Variants in SEPTIN3 observed in about 807,000 individuals in gnomAD.
SEPTIN3 encodes septin 3.
SEPTIN3 carries 15 observed loss-of-function variants against 45.1 expected under a neutral mutation model. The ratio of observed to expected loss-of-function variants is 0.33; its 90% CI spans 0.22 to 0.51. The LOEUF (loss-of-function observed/expected upper bound fraction) is 0.51. Ranked by LOEUF, SEPTIN3 falls within the 20% of genes least tolerant of loss-of-function variation. SEPTIN3 has a pLI of 0.97. For missense variants in SEPTIN3, 289 were observed against 457.2 expected, an observed-to-expected ratio of 0.63 and a Z score of 3.35; for synonymous variants, 148 against 164.8, an observed-to-expected ratio of 0.90 and a Z score of 0.78.
intron 7 of SEPTIN3, among the ~76,000 whole-genome samples, chr22:41,990,190 A>G (rs775140539): frequency 1.6e-4 from 24 of 151,706 alleles, no homozygotes; most frequent in South Asian, 1.0e-3. Flanking sequence ...ACAGGCACCC[A>G]CCACCACGCC....
intron 2 of SEPTIN3, among the ~76,000 whole-genome samples, chr22:41,977,256 A>G (rs2078043460): frequency 1.3e-5 from 2 of 151,958 alleles, no homozygotes; most frequent in African/African-American, 4.8e-5. Flanking sequence ...GGAGAGAGGC[A>G]GACATAGGAC....
chr22:41,977,164 C>G, intron 2 of SEPTIN3: 1 of 1,372,048 alleles, frequency 7.3e-7, no homozygotes, highest in Non-Finnish European at 9.8e-7. Flanking sequence ...GGGAGGGTTT[C>G]CGCGCCGAGG....
At chr22:41,973,258 A>T (rs1345387062) in intron 2 of SEPTIN3, among the ~76,000 whole-genome samples, 1 of 152,156 alleles carries the variant, frequency 6.6e-6, no homozygotes, top group Non-Finnish European at 1.5e-5. Flanking sequence ...GTGGTGGCTC[A>T]TACCTGTAAT....
chr22:41,972,424 C>A lies in SEPTIN3; in HGVS notation c.932C>A (p.Ser311Tyr), dbSNP rs2077969562. 2.5e-6 allele frequency: 1 copy of A among 398,810 alleles called. No homozygotes were observed. Among genetic ancestry groups the A allele is most frequent in the Admixed American group, 4.4e-5 (1 of 22,712 alleles). The allele number at this position is 398,810 out of a possible 1,614,324, so 24.7% of individuals were successfully genotyped here. A position where few individuals can be genotyped will look rare whatever the true frequency, so the allele number is the denominator to read the frequency against. The change falls in exon 2 of 12, where the codon TCT becomes TAT. Residue 311 changes from serine to tyrosine, a missense_variant. By Grantham distance (144) the Ser-to-Tyr change is moderately radical. This residue lies in a region of SEPTIN3 where 200 missense variants were observed against 315.1 expected (regional missense o/e 0.63). Coordinates refer to ENST00000644076, the MANE Select transcript of SEPTIN3 (RefSeq NM_001363845.2). ...AAGCTGGGCACAGCCAGAGACTTGT[C>A]TTCGGTAGGGACAGTCAAGTCAGGC... ...DIKLGTARDL[S>Y]SVGTVKSGKT... is the part of the protein sequence containing the mutation.
chr22:41,986,088 G>C lies in SEPTIN3; in HGVS notation c.1801G>C (p.Val601Leu), dbSNP rs763647661. 1.2e-6 allele frequency: 2 copies of C among 1,613,600 alleles called. No individual in the cohort carries two copies. Among genetic ancestry groups the C allele is most frequent in the Non-Finnish European group, 1.7e-6 (2 of 1,179,768 alleles). The change falls in exon 4 of 12, where the codon GTG becomes CTG. Residue 601 changes from valine (V) to leucine (L), a missense_variant. This residue lies in a region of SEPTIN3 where 200 missense variants were observed against 315.1 expected (regional missense o/e 0.63). Coordinates refer to ENST00000644076, the MANE Select transcript of SEPTIN3 (RefSeq NM_001363845.2). ...WNREEKIPKT[V>L]EIKAIGHVIE... ...CCGGGAGGAGAAGATCCCCAAGACAGTGGAGATCAAAGCTATCGGGCATGG... is the reference window on the plus strand; with the variant it reads ...CCGGGAGGAGAAGATCCCCAAGACACTGGAGATCAAAGCTATCGGGCATGG...
rs1239650649 is a variant in SEPTIN3, at chr22:41,972,480, A to G, written c.988A>G (p.Ile330Val). ...CGTGAACTTGGCTACAGCAGGCACA[A>G]TCAAGCCGGGCACAGCCATGAATCT... ...KTVNLATAGT[I>V]KPGTAMNLTT... Residue 330 changes from isoleucine (I) to valine (V), a missense_variant, in exon 2 of 12, where the codon ATC (isoleucine) becomes GTC (valine). Physicochemically the swap from Ile to Val is conservative, Grantham distance 29 (BLOSUM62 3). Around this residue, in one of 3 missense-constraint regions of SEPTIN3, gnomAD observed 200 missense variants for 315.1 expected, o/e 0.63. Transcript: ENST00000644076. 1.0e-5 allele frequency: 4 copies of G among 398,992 alleles called. No individual in the cohort carries two copies. Among genetic ancestry groups the G allele is most frequent in the Non-Finnish European group, 8.8e-6 (2 of 226,118 alleles). 24.7% of individuals were successfully genotyped at this position (398,992 alleles called of 1,614,324 possible).
Position 41,987,633 on chromosome 22 carries a change from T to C in SEPTIN3, c.1919T>C (p.Ile640Thr). The C allele has an allele frequency of 1.9e-6, 3 of 1,610,750 alleles. No individual in the cohort carries two copies. The highest frequency in any genetic ancestry group is 2.2e-5 in the East Asian group (1 of 44,790). ...QINNENCWEPIEKYINEQYEK... is the reference protein window; with the variant it reads ...QINNENCWEPTEKYINEQYEK... Reference sequence around the variant, plus strand: ...TCCCTCCCCATCAGCTGGGAGCCCATTGAGAAGTACATCAATGAGCAGTAC... The same window carrying C: ...TCCCTCCCCATCAGCTGGGAGCCCACTGAGAAGTACATCAATGAGCAGTAC... The change falls in exon 6 of 12, where the codon ATT becomes ACT. Residue 640 changes from isoleucine (I) to threonine (T), a missense_variant. By Grantham distance (89) the Ile-to-Thr change is moderately conservative (BLOSUM62 -1). This residue lies in a region of SEPTIN3 where 200 missense variants were observed against 315.1 expected (regional missense o/e 0.63). Transcript: ENST00000644076.
chr22:41,981,348 T>G (rs2078116609), intron 2 of SEPTIN3: 1 of 339,762 alleles, frequency 2.9e-6, no homozygotes, highest in Non-Finnish European at 5.4e-6. Context: ...CTGGGTTAGA[T>G]GCACAGATGT....
intron 3 of SEPTIN3, 126 bp downstream of exon 3, chr22:41,981,962 A>C: frequency 1.1e-6 from 1 of 877,254 alleles, no homozygotes; most frequent in Non-Finnish European, 1.8e-6. Flanking sequence ...GGAGAATTTC[A>C]CCATGCTGAT....
Position 41,997,015 on chromosome 22 carries a change from T to G in SEPTIN3, c.*48T>G. The G allele has an allele frequency of 3.1e-6, 5 of 1,613,426 alleles. No individual in the cohort carries two copies. Among genetic ancestry groups the G allele is most frequent in the Non-Finnish European group, 4.2e-6 (5 of 1,179,746 alleles). On this transcript the variant is annotated 3_prime_UTR_variant, in exon 12 of 12. Coordinates refer to ENST00000644076, the MANE Select transcript of SEPTIN3 (RefSeq NM_001363845.2). Reference sequence around the variant, plus strand: ...TCACTCCATTCCTCTCAGCTGTTATTGCTGCAGGGCCAAGCCCTTTTTAGT... The same window carrying G: ...TCACTCCATTCCTCTCAGCTGTTATGGCTGCAGGGCCAAGCCCTTTTTAGT...
Position 41,994,337 on chromosome 22 carries a change from A to C in SEPTIN3, c.2407A>C (p.Ile803Leu). ...GTTTGCCCTGCTTCGAGACTTTGTC[A>C]TCAGGTAAGATGTCTCCCCTCCAGC... The part of the protein sequence containing the change: ...CEFALLRDFV[I>L]RTHLQDLKEV... The change falls in exon 10 of 12, where the codon ATC (isoleucine) becomes CTC (leucine). Residue 803 changes from isoleucine to leucine, a missense_variant. By Grantham distance (5) the Ile-to-Leu change is conservative (BLOSUM62 2). Around this residue, in one of 3 missense-constraint regions of SEPTIN3, gnomAD observed 84 missense variants for 114.7 expected, o/e 0.73. Transcript: ENST00000644076. This position sits in a 1 kb window ranked among gnomAD's most constrained non-coding sequence, Gnocchi z 4.2. 2 of 1,614,072 alleles carry C rather than the reference A, an allele frequency of 1.2e-6. No homozygotes were observed. Among genetic ancestry groups the C allele is most frequent in the Non-Finnish European group, 1.7e-6 (2 of 1,180,012 alleles).
rs927578725 is a variant in SEPTIN3, at chr22:41,976,596, G to C, written c.1504+3600G>C. On this transcript the variant is annotated intron_variant, in intron 2 of 11. Transcript: ENST00000644076. The surrounding 1 kb of genome is among the most constrained non-coding windows in gnomAD (Gnocchi z 5.8). ...CGCAGCCCAGTGGGTAAGGGGCGGGGAGCAGGTCCAGCGGGGAGAGACGGG... is the reference window on the plus strand; with the variant it reads ...CGCAGCCCAGTGGGTAAGGGGCGGGCAGCAGGTCCAGCGGGGAGAGACGGG... 6.6e-6 allele frequency: 1 copy of C among 152,162 alleles called. No homozygotes were observed. The highest frequency in any genetic ancestry group is 1.5e-5 in the Non-Finnish European group (1 of 68,048). The allele number at this position is 152,162 out of a possible 1,614,324, so 9.4% of individuals were successfully genotyped here. A position where few individuals can be genotyped will look rare whatever the true frequency, so the allele number is the denominator to read the frequency against.
chr22:41,989,816 G>A, intron 7 of SEPTIN3, 132 bp downstream of exon 7: 1 of 622,766 alleles, frequency 1.6e-6, no homozygotes. Flanking sequence ...CTCCACCCCA[G>A]CCCCCTTCTT....
At chr22:41,996,414 GT>G in intron 11 of SEPTIN3, 2 of 986,308 alleles carry the variant, frequency 2.0e-6, no homozygotes, top group Non-Finnish European at 2.4e-6. Context: ...TGTTTCACTG[GT>G]CCTCTATGAA....
Position 41,998,173 on chromosome 22 carries a change from T to G in SEPTIN3, c.*1206T>G, listed in dbSNP as rs1487433529. 1 of 152,714 alleles carries G rather than the reference T, an allele frequency of 6.5e-6. No individual in the cohort carries two copies. The highest frequency in any genetic ancestry group is 1.5e-5 in the Non-Finnish European group (1 of 68,046). The allele number at this position is 152,714 out of a possible 1,614,324, so 9.5% of individuals were successfully genotyped here. ...ACACTCAAACTGGTCCTGTAATTGT[T>G]GCTAGACTTTATGTGTTGTACAACT... is the stretch of plus-strand genomic sequence containing the variant. On this transcript the variant is annotated 3_prime_UTR_variant, in exon 12 of 12. Transcript: ENST00000644076.
In SEPTIN3 at chr22:41,994,711, T is replaced by G. The variant is rs753770855; in HGVS notation, c.2502T>G (p.Pro834=). Residue 834 remains proline, a synonymous_variant, in exon 11 of 12, where the codon CCT becomes CCG. Transcript: ENST00000644076. This position sits in a 1 kb window ranked among gnomAD's most constrained non-coding sequence, Gnocchi z 4.2. ...GGCTCAATGACAATGGAGGCCTCCCTCCGGTGAGCGTGGACACAGAGGAAA... is the reference window on the plus strand; with the variant it reads ...GGCTCAATGACAATGGAGGCCTCCCGCCGGTGAGCGTGGACACAGAGGAAA... The part of the protein sequence containing the change: ...AKRLNDNGGL[P]PGEGLLGTVL... 34 of 1,613,996 alleles carry G rather than the reference T, an allele frequency of 2.1e-5. No individual in the cohort carries two copies. Among genetic ancestry groups the G allele is most frequent in the Non-Finnish European group, 2.9e-5 (34 of 1,180,034 alleles).
At position 41,981,679 on chromosome 22, in the gene SEPTIN3, A is replaced by G. The variant is rs998902571; in HGVS notation, c.1539A>G (p.Ser513=). 5.6e-6 allele frequency: 9 copies of G among 1,613,718 alleles called. No individual in the cohort carries two copies. Among genetic ancestry groups the G allele is most frequent in the African/African-American group, 2.7e-5 (2 of 74,928 alleles). ...LPETRTDAAM[S]ELVPEPRPKP... is the part of the protein sequence containing the mutation. ...AGACCAGGACGGACGCAGCCATGTC[A>G]GAGCTGGTGCCTGAGCCCAGGCCTA... is the stretch of plus-strand genomic sequence containing the variant. Residue 513 remains serine (S), a synonymous_variant, in exon 3 of 12, where the codon TCA becomes TCG. Transcript: ENST00000644076.
intron 7 of SEPTIN3, among the ~76,000 whole-genome samples, chr22:41,990,561 C>A (rs571554466): frequency 6.9e-6 from 1 of 145,910 alleles, no homozygotes; most frequent in Non-Finnish European, 1.5e-5. Context: ...CTGGCTAACA[C>A]GGTGAAACCC....
chr22:41,988,551 G>C (rs1348079360), intron 6 of SEPTIN3, among the ~76,000 whole-genome samples: 2 of 152,150 alleles, frequency 1.3e-5, no homozygotes, highest in Non-Finnish European at 2.9e-5. Context: ...GGGGAGAAGA[G>C]AGATGAAACA....
Sources: allele counts gnomAD v4.1 joint callset (sites outside exome capture counted in the v4.1 genomes callset), GRCh38; gene constraint gnomAD v4.1.1; regional missense constraint gnomAD v4.1.1; non-coding constraint Gnocchi (gnomAD v3.1); transcripts MANE v1.5; gene names NCBI Gene and HGNC (gene_info 2026-07-23, HGNC 2026-07-21).